Variants in PLD1 observed in about 807,000 individuals in gnomAD.
PLD1 encodes choline phosphatase 1.
In PLD1, 112 loss-of-function variants were observed where a neutral mutation model predicts 137.1. The observed-to-expected ratio is 0.82, with a 90% CI of 0.70 to 0.96. PLD1 has a LOEUF of 0.96. PLD1 is among the 40% of genes least tolerant of loss of function. The pLI is 0.00. For missense variants in PLD1, 1,321 were observed against 1,342.0 expected (o/e 0.98, Z 0.24); for synonymous variants, 431 against 454.7 (o/e 0.95, Z 0.66).
At chr3:171,711,420 C>T (rs538622019) in intron 9 of PLD1, among the ~76,000 whole-genome samples, 3 of 152,098 alleles carry the variant, frequency 2.0e-5, no homozygotes, top group South Asian at 4.2e-4. Flanking sequence ...CCGCCCACCT[C>T]GGCCTCCCAA....
At chr3:171,656,156 T>TTTTATTTATTTATTTATTTA (rs142427730) in intron 21 of PLD1, among the ~76,000 whole-genome samples, 19,881 of 145,274 alleles carry the variant, frequency 0.14, 1,440 homozygotes, top group Non-Finnish European at 0.16. Context: ...AATACTATAA[T>TTTTATTTATTTATTTATTTA]TTTATTTATT....
chr3:171,790,544 T>C (rs953636801), intron 1 of PLD1, among the ~76,000 whole-genome samples: 2 of 152,150 alleles, frequency 1.3e-5, no homozygotes, highest in African/African-American at 4.8e-5. Context: ...TTTCAAAAAA[T>C]GAGATTTATG....
chr3:171,711,218 T>A (rs2108570098), intron 9 of PLD1, among the ~76,000 whole-genome samples: 1 of 132,858 alleles, frequency 7.5e-6, no homozygotes, highest in East Asian at 2.3e-4. Flanking sequence ...GTCACCAGGC[T>A]GGAGTGCAGT....
chr3:171,620,123 A>T (rs560934299), intron 24 of PLD1, among the ~76,000 whole-genome samples: 1 of 152,296 alleles, frequency 6.6e-6, no homozygotes, highest in African/African-American at 2.4e-5. Context: ...AATTGCCCTG[A>T]TGTGATTGTT....
At chr3:171,688,542 T>G (rs537207114) in intron 14 of PLD1, 134 bp downstream of exon 14, 2 of 721,518 alleles carry the variant, frequency 2.8e-6, no homozygotes, top group African/African-American at 3.5e-5. Flanking sequence ...GTCTCATGAT[T>G]GACTTAAAAT....
chr3:171,796,659 TC>T (rs956566151), intron 1 of PLD1, among the ~76,000 whole-genome samples: 1 of 152,208 alleles, frequency 6.6e-6, no homozygotes, highest in African/African-American at 2.4e-5. Context: ...CCCAGGAGGT[TC>T]TTTTTCTTAT....
chr3:171,709,510 A>ATT, intron 10 of PLD1, 50 bp downstream of exon 10: 1 of 1,538,336 alleles, frequency 6.5e-7, no homozygotes, highest in Non-Finnish European at 9.0e-7. Flanking sequence ...GGCCAGTGTA[A>ATT]TATTAGATGC....
At chr3:171,744,630 A>C (rs1720017154) in intron 1 of PLD1, among the ~76,000 whole-genome samples, 1 of 152,258 alleles carries the variant, frequency 6.6e-6, no homozygotes, top group African/African-American at 2.4e-5. Context: ...GTGCCCACAG[A>C]ATAGAAGTTG....
At chr3:171,732,965 T>G (rs1042991537) in intron 6 of PLD1, among the ~76,000 whole-genome samples, 2 of 152,226 alleles carry the variant, frequency 1.3e-5, no homozygotes, top group Admixed American at 1.3e-4. Flanking sequence ...GCTTTTCTCA[T>G]GCTTCTCACT....
chr3:171,751,260 G>T (rs1446423521), intron 1 of PLD1, among the ~76,000 whole-genome samples: 1 of 152,058 alleles, frequency 6.6e-6, no homozygotes, highest in Non-Finnish European at 1.5e-5. Context: ...ATAGAAGAAT[G>T]TTCTTAAGAC....
rs192681286 is a variant in PLD1, at chr3:171,736,595, A to G, written c.288+937T>C. Among the ~76,000 whole-genome samples, 9 of 152,308 alleles carry G rather than the reference A, an allele frequency of 5.9e-5. No individual in the cohort carries two copies. In the East Asian group the frequency reaches 1.7e-3, roughly 29 times the overall value. ...AAATGAGTGTAAGCTGGGAGTCAGT[A>G]CATGTGCAGGTAGGCTGGGACACAG... On this transcript the variant is annotated intron_variant, in intron 3 of 26. Transcript: ENST00000351298.
intron 13 of PLD1, among the ~76,000 whole-genome samples, chr3:171,689,155 C>T (rs1714879807): frequency 6.6e-6 from 1 of 151,860 alleles, no homozygotes; most frequent in Non-Finnish European, 1.5e-5. Context: ...AGAAAACAGT[C>T]AGCTCAATTT....
intron 23 of PLD1, among the ~76,000 whole-genome samples, chr3:171,640,825 G>C (rs1560171801): frequency 6.6e-6 from 1 of 152,192 alleles, no homozygotes; most frequent in Non-Finnish European, 1.5e-5. Context: ...TGCCCACTAG[G>C]GGATCTCCTT....
chr3:171,629,600 T>C (rs1340627422), intron 23 of PLD1, among the ~76,000 whole-genome samples: 1 of 152,108 alleles, frequency 6.6e-6, no homozygotes, highest in Non-Finnish European at 1.5e-5. Context: ...TCATGCTACC[T>C]GACTTCAAAC....
chr3:171,732,002 A>G (rs1718986434), intron 6 of PLD1, among the ~76,000 whole-genome samples: 1 of 152,228 alleles, frequency 6.6e-6, no homozygotes, highest in South Asian at 2.1e-4. Context: ...GTACATGAAA[A>G]GAGAAGAATG....
intron 11 of PLD1, among the ~76,000 whole-genome samples, chr3:171,704,476 A>AAC (rs1207365144): frequency 1.8e-4 from 28 of 151,660 alleles, no homozygotes; most frequent in Non-Finnish European, 3.8e-4. Flanking sequence ...AAAAAAAAAA[A>AAC]ACCTTATCTT....
chr3:171,681,866 C>A (rs947835172), intron 16 of PLD1, among the ~76,000 whole-genome samples: 1 of 152,158 alleles, frequency 6.6e-6, no homozygotes, highest in Non-Finnish European at 1.5e-5. Context: ...TGTGACGAGA[C>A]ATTCAAATTT....
At chr3:171,679,163 G>C (rs781574162) in intron 16 of PLD1, among the ~76,000 whole-genome samples, 6 of 152,184 alleles carry the variant, frequency 3.9e-5, no homozygotes, top group Non-Finnish European at 7.3e-5. Flanking sequence ...ACTGCCAGTA[G>C]CTCCAAGCAC....
Position 171,737,532 on chromosome 3 carries a change from C to T in PLD1, c.288G>A (p.Arg96=), listed in dbSNP as rs764694399. Residue 96 remains arginine, a splice_region_variant and synonymous_variant, in exon 3 of 27, where the codon AGG becomes AGA. Coordinates refer to ENST00000351298, the MANE Select transcript of PLD1 (RefSeq NM_002662.5). ...AGGGTGAGTCCATAAACGCTCTGAC[C>T]CTTGTTGTAGATGTGAAGCGTTCCA... is the stretch of plus-strand genomic sequence containing the variant. ...LEVERFTSTT[R]VPSINLYTIE... is the part of the protein sequence containing the mutation. 6.2e-7 allele frequency: 1 copy of T among 1,605,476 alleles called. No individual in the cohort carries two copies. Among genetic ancestry groups the T allele is most frequent in the South Asian group, 1.1e-5 (1 of 88,716 alleles).
Sources: gnomAD v4.1 joint callset for allele counts (sites outside exome capture counted in the v4.1 genomes callset) on GRCh38, gnomAD v4.1.1 for gene constraint, MANE v1.5 for transcripts, NCBI Gene and HGNC (gene_info 2026-07-23, HGNC 2026-07-21) for gene names.